The following AFDN variants were observed in gnomAD, a reference collection of about 807,000 sequenced individuals.
The protein encoded by AFDN is afadin.
AFDN carries 68 observed loss-of-function variants against 216.6 expected under a neutral mutation model. The observed-to-expected ratio is 0.31, with a 90% CI of 0.26 to 0.38. AFDN has a LOEUF of 0.38. Ranked by LOEUF, AFDN falls within the 10% of genes least tolerant of loss-of-function variation. The pLI, the probability that AFDN is intolerant of heterozygous loss-of-function variation, is 1.00. For missense variants in AFDN, 2,136 were observed against 2,342.0 expected (o/e 0.91, Z 1.82); for synonymous variants, 868 against 853.7 (o/e 1.02, Z -0.29).
At chr6:167,907,095 C>CTGCT (rs1789792502) in intron 12 of AFDN, 76 bp from the exon 13 acceptor site, 1 of 1,075,052 alleles carries the variant, frequency 9.3e-7, no homozygotes, top group South Asian at 1.4e-5. Flanking sequence ...TATCAGATCT[C>CTGCT]TGCTTGCAAC....
intron 1 of AFDN, among the ~76,000 whole-genome samples, chr6:167,835,009 C>T (rs1583085355): frequency 1.3e-5 from 2 of 152,100 alleles, no homozygotes; most frequent in South Asian, 4.1e-4. Context: ...CATTTGTCTG[C>T]CTTGCACTTT....
intron 11 of AFDN, among the ~76,000 whole-genome samples, chr6:167,901,929 C>CA (rs923209389): frequency 9.3e-5 from 14 of 151,332 alleles, no homozygotes; most frequent in East Asian, 3.9e-4. Flanking sequence ...CCCATCTCTA[C>CA]AAAAAATACA....
chr6:167,882,930 T>C (rs1786318134), intron 6 of AFDN, among the ~76,000 whole-genome samples: 1 of 152,108 alleles, frequency 6.6e-6, no homozygotes, highest in Admixed American at 6.6e-5. Flanking sequence ...AACTATGGTA[T>C]CTGGCATGCC....
chr6:167,893,801 C>A, intron 8 of AFDN, 61 bp from the exon 9 acceptor site: 2 of 1,306,776 alleles, frequency 1.5e-6, no homozygotes, highest in Non-Finnish European at 2.2e-6. Context: ...GCGTGTTCTG[C>A]ATGGTCTCTC....
At chr6:167,891,585 CTA>C (rs1190700273) in intron 8 of AFDN, among the ~76,000 whole-genome samples, 2 of 152,054 alleles carry the variant, frequency 1.3e-5, no homozygotes, top group African/African-American at 4.8e-5. Flanking sequence ...CATGAGTCCT[CTA>C]AGTGTTTTTT....
At chr6:167,871,403 C>T (rs1333761049) in intron 3 of AFDN, among the ~76,000 whole-genome samples, 2 of 152,192 alleles carry the variant, frequency 1.3e-5, no homozygotes, top group Admixed American at 1.3e-4. Context: ...ACCACAGACC[C>T]TCATTGACAT....
chr6:167,914,644 A>G lies in AFDN; in HGVS notation c.2205A>G (p.Lys735=), dbSNP rs1272980399. ...VLAHLVQMAF[K]YLVHCLQSEL... is the part of the protein sequence containing the mutation. The stretch of plus-strand genomic sequence containing the variant: ...ACTTAAATTGTCTATGTATTTTCAG[A>G]TACTTGGTTCACTGTCTTCAATCAG... Residue 735 remains lysine, a splice_region_variant and synonymous_variant, in exon 18 of 34, where the codon AAA becomes AAG. Coordinates refer to ENST00000683244, the MANE Select transcript of AFDN (RefSeq NM_001386888.1). The G allele has an allele frequency of 6.2e-7, 1 of 1,600,140 alleles. No homozygotes were observed.
At chr6:167,958,966 AG>A (rs1796783250) in intron 30 of AFDN, among the ~76,000 whole-genome samples, 1 of 152,272 alleles carries the variant, frequency 6.6e-6, no homozygotes, top group African/African-American at 2.4e-5. Context: ...GTGCATCTTC[AG>A]GAAGTCTCAG....
chr6:167,870,617 T>G (rs904726358), intron 3 of AFDN, 119 bp downstream of exon 3: 7 of 516,132 alleles, frequency 1.4e-5, no homozygotes, highest in Non-Finnish European at 2.4e-5. Flanking sequence ...TTATAAACCC[T>G]TTTACCCTCC....
chr6:167,831,794 T>C (rs999643433), intron 1 of AFDN, among the ~76,000 whole-genome samples: 2 of 152,214 alleles, frequency 1.3e-5, no homozygotes, highest in African/African-American at 4.8e-5. Flanking sequence ...TGAGCAATTG[T>C]AGTGTATAAA....
intron 23 of AFDN, among the ~76,000 whole-genome samples, chr6:167,928,227 C>A (rs933860973): frequency 3.9e-5 from 6 of 152,264 alleles, no homozygotes; most frequent in African/African-American, 1.4e-4. Flanking sequence ...CATTACCTTA[C>A]AGCAGGGCAG....
At chr6:167,830,777 T>C (rs1351740224) in intron 1 of AFDN, among the ~76,000 whole-genome samples, 1 of 152,172 alleles carries the variant, frequency 6.6e-6, no homozygotes, top group Admixed American at 6.5e-5. Context: ...TCATGTTTTC[T>C]GGAGATGTGT....
At position 167,837,977 on chromosome 6, in the gene AFDN, A is replaced by G. The variant is rs140657277; in HGVS notation, c.105+10740A>G. Among the ~76,000 whole-genome samples, 415 of 152,312 alleles carry G rather than the reference A, an allele frequency of 2.7e-3. 4 individuals carry two copies. Among genetic ancestry groups the G allele is most frequent in the African/African-American group, 9.2e-3 (383 of 41,574 alleles). On this transcript the variant is annotated intron_variant, in intron 1 of 33. Transcript: ENST00000683244. ...GGATCATATACTTATGTGCATATAT[A>G]TTTATTTCATACATAAATACATGAT...
At position 167,882,485 on chromosome 6, in the gene AFDN, C is replaced by CA. The variant is rs143438459; in HGVS notation, c.897+1984dup. 4.0e-3 allele frequency among the ~76,000 whole-genome samples: 572 copies of CA among 142,504 alleles called. 2 individuals are homozygous for CA. The highest frequency in any genetic ancestry group is 0.013 in the African/African-American group (516 of 38,758). The allele number at this position is 142,504 out of a possible 152,430, so 93.5% of individuals were successfully genotyped here. A position where few individuals can be genotyped will look rare whatever the true frequency, so the allele number is the denominator to read the frequency against. On this transcript the variant is annotated intron_variant, in intron 6 of 33. Transcript: ENST00000683244. ...CGAAACCTTGTCTCTACTAAAACTA[C>CA]AAAAAAAAAAAAAAAATGAGCTGGG...
chr6:167,926,636 T>C (rs1792568620), intron 23 of AFDN, among the ~76,000 whole-genome samples: 2 of 152,220 alleles, frequency 1.3e-5, no homozygotes, highest in South Asian at 4.1e-4. Context: ...CTCGCTATGC[T>C]GCCCAGGCTG....
In AFDN at chr6:167,911,351, C is replaced by G. The variant is rs750271137; in HGVS notation, c.1899C>G (p.Ser633=). 7 of 1,613,608 alleles carry G rather than the reference C, an allele frequency of 4.3e-6. No homozygotes were observed. The part of the protein sequence containing the change: ...TNSSTVHFKL[S]PTYVLYMACR... The stretch of plus-strand genomic sequence containing the variant: ...GCTCTACAGTCCACTTTAAGTTGTC[C>G]CCTACATATGTATTATATATGGCAT... The change falls in exon 15 of 34, where the codon TCC becomes TCG. Residue 633 remains serine (S), a synonymous_variant. Transcript: ENST00000683244.
intron 23 of AFDN, among the ~76,000 whole-genome samples, chr6:167,932,211 T>G (rs1194901860): frequency 6.6e-6 from 1 of 152,198 alleles, no homozygotes; most frequent in Non-Finnish European, 1.5e-5. Context: ...GGCCCGTTCT[T>G]TTTTCCTTTT....
intron 27 of AFDN, among the ~76,000 whole-genome samples, chr6:167,947,355 A>G (rs554633451): frequency 8.2e-4 from 125 of 151,852 alleles, no homozygotes; most frequent in South Asian, 2.1e-3. Context: ...AATTTTTTGT[A>G]TTTTTAGTAG....
chr6:167,969,089 T>C, intron 32 of AFDN, 25 bp from the exon 33 acceptor site: 1 of 1,558,800 alleles, frequency 6.4e-7, no homozygotes, highest in Non-Finnish European at 8.9e-7. Context: ...GTACTTTAAC[T>C]TGTACTGTTT....
Sources: allele counts gnomAD v4.1 joint callset (sites outside exome capture counted in the v4.1 genomes callset), GRCh38; gene constraint gnomAD v4.1.1; transcripts MANE v1.5; gene names NCBI Gene and HGNC (gene_info 2026-07-23, HGNC 2026-07-21).